WNT3: variants seen among roughly 807,000 people sequenced by gnomAD.
WNT3 encodes Wnt family member 3.
Under a neutral mutation model 34.2 loss-of-function variants are expected in WNT3, and 7 were observed. That is an observed-to-expected ratio of 0.20 (90% CI 0.12 to 0.38). The LOEUF is 0.38. WNT3 is among the 10% of genes least tolerant of loss of function. WNT3 has a pLI of 1.00. For missense variants in WNT3, 267 were observed against 499.8 expected, an observed-to-expected ratio of 0.53 and a Z score of 4.44; for synonymous variants, 212 against 211.5, an observed-to-expected ratio of 1.00 and a Z score of -0.02.
At chr17:46,796,155 T>C (rs8072907) in intron 1 of WNT3, among the ~76,000 whole-genome samples, 129,522 of 152,140 alleles carry the variant, frequency 0.85, 55,620 homozygotes, top group East Asian at 0.94. Flanking sequence ...ATTACCACGT[T>C]TCCTTGGGAG....
intron 1 of WNT3, among the ~76,000 whole-genome samples, chr17:46,788,761 CTCCCTGCCTCCTT>C (rs1226243575): frequency 1.3e-5 from 2 of 151,222 alleles, no homozygotes; most frequent in African/African-American, 4.9e-5. Flanking sequence ...CTGCGAGGAC[CTCCCTGCCTCCTT>C]TCCCTGCCCT....
chr17:46,792,143 C>T (rs2083995609), intron 1 of WNT3, among the ~76,000 whole-genome samples: 1 of 152,196 alleles, frequency 6.6e-6, no homozygotes, highest in Non-Finnish European at 1.5e-5. Flanking sequence ...GTGTGTTCGA[C>T]ACAAAAGGCA....
chr17:46,788,592 C>T (rs1201809481), intron 1 of WNT3, among the ~76,000 whole-genome samples: 2 of 152,240 alleles, frequency 1.3e-5, no homozygotes, highest in African/African-American at 4.8e-5. Flanking sequence ...ATTTCCCCAG[C>T]TCTTATACAT....
intron 1 of WNT3, among the ~76,000 whole-genome samples, chr17:46,801,100 G>A (rs537672673): frequency 2.0e-5 from 3 of 152,238 alleles, no homozygotes; most frequent in African/African-American, 4.8e-5. Context: ...AATAGCCCTC[G>A]TTATCCCCAT....
intron 1 of WNT3, among the ~76,000 whole-genome samples, chr17:46,808,496 GA>G (rs1390843277): frequency 2.0e-5 from 3 of 152,160 alleles, no homozygotes; most frequent in African/African-American, 7.2e-5. Flanking sequence ...GTGGTAGAAG[GA>G]AAAAGGCTTT....
At chr17:46,767,818 T>G (rs1366382512) in intron 4 of WNT3, among the ~76,000 whole-genome samples, 1 of 152,200 alleles carries the variant, frequency 6.6e-6, no homozygotes, top group Non-Finnish European at 1.5e-5. Flanking sequence ...GGAGTCTCAC[T>G]CTGTCGCCCA....
At chr17:46,771,144 C>A (rs1229400089) in intron 2 of WNT3, among the ~76,000 whole-genome samples, 2 of 152,212 alleles carry the variant, frequency 1.3e-5, no homozygotes, top group African/African-American at 4.8e-5. Flanking sequence ...GCCCCCACGC[C>A]CTCCTGCGCC....
Position 46,818,633 on chromosome 17 carries a change from C to A in WNT3, c.-36G>T. ...GCCGAGGAGGAAGTTTGCCCGCGAC[C>A]ATGAAGAGGGGGAGCGACGCCCCCA... On this transcript the variant is annotated 5_prime_UTR_variant, in exon 1 of 5. It removes an upstream start codon present in the reference 5' UTR. Transcript: ENST00000225512. The A allele has an allele frequency of 6.4e-7, 1 of 1,556,842 alleles. No homozygotes were observed. The highest frequency in any genetic ancestry group is 8.7e-7 in the Non-Finnish European group (1 of 1,145,240).
chr17:46,812,341 CG>C (rs1425411193), intron 1 of WNT3, among the ~76,000 whole-genome samples: 2 of 152,128 alleles, frequency 1.3e-5, no homozygotes, highest in Non-Finnish European at 2.9e-5. Context: ...CCCCTACCCC[CG>C]CCCCAAGAAT....
chr17:46,787,357 ATGGCCAC>A (rs1197531059), intron 1 of WNT3, among the ~76,000 whole-genome samples: 2 of 152,170 alleles, frequency 1.3e-5, no homozygotes, highest in Non-Finnish European at 2.9e-5. Flanking sequence ...CATTCTGTAA[ATGGCCAC>A]GCATGTTAGT....
At chr17:46,784,836 C>T (rs1274576672) in intron 1 of WNT3, among the ~76,000 whole-genome samples, 30 of 149,480 alleles carry the variant, frequency 2.0e-4, no homozygotes, top group Admixed American at 1.0e-3. Flanking sequence ...AGTGCAGTGG[C>T]GCGATCTCGG....
chr17:46,773,564 C>A (rs966919517), intron 2 of WNT3, 104 bp downstream of exon 2: 8 of 1,318,274 alleles, frequency 6.1e-6, no homozygotes, highest in Non-Finnish European at 8.3e-6. Flanking sequence ...CCCAGAGGGA[C>A]CCTGGCTTCA....
At chr17:46,785,479 T>G (rs2059496010) in intron 1 of WNT3, among the ~76,000 whole-genome samples, 1 of 152,100 alleles carries the variant, frequency 6.6e-6, no homozygotes. Context: ...TTCCTTCCCC[T>G]CCGACAGGAG....
intron 1 of WNT3, among the ~76,000 whole-genome samples, chr17:46,817,118 C>G (rs1171773297): frequency 6.6e-6 from 1 of 152,184 alleles, no homozygotes; most frequent in East Asian, 1.9e-4. Flanking sequence ...TGGCCATGTC[C>G]CCACCCTCTC....
intron 1 of WNT3, among the ~76,000 whole-genome samples, chr17:46,776,103 A>G (rs2059410204): frequency 6.6e-6 from 1 of 152,176 alleles, no homozygotes; most frequent in Non-Finnish European, 1.5e-5. Context: ...CAGACCACAG[A>G]GCTCCTATGG....
At chr17:46,779,575 G>A (rs1385392627) in intron 1 of WNT3, among the ~76,000 whole-genome samples, 3 of 152,192 alleles carry the variant, frequency 2.0e-5, no homozygotes, top group Non-Finnish European at 4.4e-5. Context: ...CAGGCTGCTT[G>A]TGGAAACTTT....
Position 46,768,287 on chromosome 17 carries a change from TC to T in WNT3, c.*8+24del. ...ATTCCCTGCGCCCAGGCTCCCAGCCTCCCCCCTGCTTCCCGGAGCCCTACCT... is the reference window on the plus strand; with the variant it reads ...ATTCCCTGCGCCCAGGCTCCCAGCCTCCCCCTGCTTCCCGGAGCCCTACCT... On this transcript the variant is annotated intron_variant, in intron 4 of 4. Transcript: ENST00000225512. This position sits in a 1 kb window ranked among gnomAD's most constrained non-coding sequence, Gnocchi z 5.0. 6.2e-7 allele frequency: 1 copy of T among 1,612,358 alleles called. No homozygotes were observed. The highest frequency in any genetic ancestry group is 8.5e-7 in the Non-Finnish European group (1 of 1,179,976).
At chr17:46,795,503 G>A (rs890296248) in intron 1 of WNT3, among the ~76,000 whole-genome samples, 8 of 152,142 alleles carry the variant, frequency 5.3e-5, no homozygotes, top group African/African-American at 1.9e-4. Flanking sequence ...CTGACGCCCT[G>A]TCTAACCCTC....
At chr17:46,798,148 C>G (rs986458034) in intron 1 of WNT3, among the ~76,000 whole-genome samples, 1 of 152,138 alleles carries the variant, frequency 6.6e-6, no homozygotes, top group Non-Finnish European at 1.5e-5. Context: ...AGGCTGGTCT[C>G]GAACCCCTGA....
Sources: allele counts gnomAD v4.1 joint callset (sites outside exome capture counted in the v4.1 genomes callset), GRCh38; gene constraint gnomAD v4.1.1; non-coding constraint Gnocchi (gnomAD v3.1); transcripts MANE v1.5; gene names NCBI Gene and HGNC (gene_info 2026-07-23, HGNC 2026-07-21).